LMOD1: variants seen among roughly 807,000 people sequenced by gnomAD.
LMOD1 encodes leiomodin 1.
Under a neutral mutation model 36.5 loss-of-function variants are expected in LMOD1, and 8 were observed. That is an observed-to-expected ratio of 0.22 (90% confidence interval 0.13 to 0.40). LMOD1 has a LOEUF of 0.40. Among genes scored for constraint, LMOD1 ranks in the 10% least tolerant of loss-of-function variants. The pLI is 1.00. For synonymous variants in LMOD1, 284 were observed against 288.7 expected (o/e 0.98, Z 0.17); for missense variants, 630 against 751.1 (o/e 0.84, Z 1.88).
Position 201,900,402 on chromosome 1 carries a change from T to C in LMOD1, c.611A>G (p.Lys204Arg), listed in dbSNP as rs763598826. ...SDRNTGLSRD[K>R]DKKREEMKEV... ...CTTCATCTCCTCTCTCTTTTTATCC[T>C]TGTCCCTGCTCAAGCCTGTGTTCCT... is the stretch of plus-strand genomic sequence containing the variant. The change falls in exon 2 of 3, where the codon AAG becomes AGG. Residue 204 changes from lysine to arginine, a missense_variant. By Grantham distance (26) the Lys-to-Arg change is conservative. Around this residue, in one of 3 missense-constraint regions of LMOD1, gnomAD observed 405 missense variants for 400.6 expected, o/e 1.01. Coordinates refer to ENST00000367288, the MANE Select transcript of LMOD1 (RefSeq NM_012134.3). 1.3e-6 allele frequency: 2 copies of C among 1,565,720 alleles called. No individual in the cohort carries two copies. Among genetic ancestry groups the C allele is most frequent in the South Asian group, 1.2e-5 (1 of 86,080 alleles).
chr1:201,934,105 TTCAAGCAGC>T (rs1681974518), intron 1 of LMOD1, among the ~76,000 whole-genome samples: 1 of 152,162 alleles, frequency 6.6e-6, no homozygotes, highest in Non-Finnish European at 1.5e-5. Context: ...CTACTGGATT[TTCAAGCAGC>T]TCTGGCAGCT....
Position 201,907,197 on chromosome 1 carries a change from C to T in LMOD1, c.262-6446G>A, listed in dbSNP as rs529896832. ...TTAGACAGTTGGCCTATGTGCAAAT[C>T]CCAGCTCTGCCCCTAACTAGCTCTG... is the stretch of plus-strand genomic sequence containing the variant. On this transcript the variant is annotated intron_variant, in intron 1 of 2. Transcript: ENST00000367288. Among the ~76,000 whole-genome samples, 11 of 152,308 alleles carry T rather than the reference C, an allele frequency of 7.2e-5. No individual in the cohort carries two copies. In the South Asian group the frequency reaches 2.3e-3, roughly 32 times the overall value.
In LMOD1 at chr1:201,897,308, A is replaced by G. The variant is rs1364333955; in HGVS notation, c.*1064T>C. On this transcript the variant is annotated 3_prime_UTR_variant, in exon 3 of 3. Coordinates refer to ENST00000367288, the MANE Select transcript of LMOD1 (RefSeq NM_012134.3). ...AGTCATGGAATGAGCATCCCTGAAC[A>G]TGCCTAATATAGCCATCCCAGCACC... is the stretch of plus-strand genomic sequence containing the variant. 1.2e-5 allele frequency: 2 copies of G among 162,510 alleles called. No homozygotes were observed. Among genetic ancestry groups the G allele is most frequent in the African/African-American group, 4.8e-5 (2 of 41,552 alleles). The allele number at this position is 162,510 out of a possible 1,614,324, so 10.1% of individuals were successfully genotyped here. A position where few individuals can be genotyped will look rare whatever the true frequency, so the allele number is the denominator to read the frequency against.
intron 1 of LMOD1, among the ~76,000 whole-genome samples, chr1:201,936,947 A>G (rs180981273): frequency 1.3e-5 from 2 of 151,964 alleles, no homozygotes; most frequent in Non-Finnish European, 2.9e-5. Context: ...CTCAAAAAAA[A>G]AGAATCTGCT....
In LMOD1 at chr1:201,898,428, G is replaced by C. The variant is rs1423055932; in HGVS notation, c.1777-30C>G. On this transcript the variant is annotated intron_variant, in intron 2 of 2. Transcript: ENST00000367288. ...AGGGGCAAAGTAGAGACAGGTTAGA[G>C]AAGGGAGCTCAGCCACCTCACCTCC... is the stretch of plus-strand genomic sequence containing the variant. The C allele has an allele frequency of 6.2e-6, 10 of 1,606,124 alleles. No homozygotes were observed. The South Asian group carries it at 1.1e-4, about 18-fold the overall frequency.
intron 1 of LMOD1, among the ~76,000 whole-genome samples, chr1:201,935,423 A>G (rs1681999976): frequency 6.6e-6 from 1 of 150,682 alleles, no homozygotes; most frequent in South Asian, 2.1e-4. Flanking sequence ...TGTTCAAATC[A>G]GAATTCTTCA....
intron 1 of LMOD1, among the ~76,000 whole-genome samples, chr1:201,911,284 G>A (rs998600491): frequency 1.3e-5 from 2 of 152,156 alleles, no homozygotes; most frequent in Admixed American, 1.3e-4. Context: ...CTGAGAGGAG[G>A]GACCATCTAG....
In LMOD1 at chr1:201,899,470, G is replaced by A. The variant is rs1352022383; in HGVS notation, c.1543C>T (p.Pro515Ser). 6.2e-7 allele frequency: 1 copy of A among 1,613,862 alleles called. No individual in the cohort carries two copies. Among genetic ancestry groups the A allele is most frequent in the African/African-American group, 1.3e-5 (1 of 74,914 alleles). ...TTCTTTGGAGAGGGCTTTGGAGATG[G>A]TTGAGGTGAAGGTTTTGGGGAGCCC... is the stretch of plus-strand genomic sequence containing the variant. ...AKGSPKPSPQ[P>S]SPKPSPKNSP... Residue 515 changes from proline to serine, a missense_variant, in exon 2 of 3, where the codon CCA becomes TCA. Physicochemically the swap from Pro to Ser is moderately conservative, Grantham distance 74 (BLOSUM62 -1). This residue lies in a region of LMOD1 where 144 missense variants were observed against 169.8 expected (regional missense o/e 0.85). Coordinates refer to ENST00000367288, the MANE Select transcript of LMOD1 (RefSeq NM_012134.3). The surrounding 1 kb of genome is among the most constrained non-coding windows in gnomAD (Gnocchi z 6.3).
chr1:201,899,045 G>T lies in LMOD1; in HGVS notation c.1776+192C>A. On this transcript the variant is annotated intron_variant, in intron 2 of 2. Coordinates refer to ENST00000367288, the MANE Select transcript of LMOD1 (RefSeq NM_012134.3). This position sits in a 1 kb window ranked among gnomAD's most constrained non-coding sequence, Gnocchi z 6.3. ...GGAAGGGTAGAGTCTCAGCTCTAGG[G>T]GATATACAGGTGTGACCTGCCTGCA... The T allele has an allele frequency of 1.8e-6, 1 of 542,752 alleles. No homozygotes were observed. Among genetic ancestry groups the T allele is most frequent in the East Asian group, 2.9e-5 (1 of 34,842 alleles). 33.6% of individuals were successfully genotyped at this position (542,752 alleles called of 1,614,324 possible).
chr1:201,905,797 C>T (rs948778945), intron 1 of LMOD1, among the ~76,000 whole-genome samples: 5 of 152,256 alleles, frequency 3.3e-5, no homozygotes, highest in Non-Finnish European at 5.9e-5. Flanking sequence ...ATGAGTCTGC[C>T]TGTGCTTGCA....
intron 1 of LMOD1, among the ~76,000 whole-genome samples, chr1:201,929,411 C>CA (rs1467583850): frequency 5.3e-5 from 8 of 152,086 alleles, no homozygotes; most frequent in African/African-American, 1.7e-4. Context: ...TCTGTAATCT[C>CA]AGGTTACTAC....
intron 1 of LMOD1, among the ~76,000 whole-genome samples, chr1:201,927,253 G>T (rs928042230): frequency 2.0e-5 from 3 of 152,086 alleles, no homozygotes; most frequent in African/African-American, 2.4e-5. Flanking sequence ...AGTACTCTGG[G>T]ATCATTATTA....
chr1:201,938,813 G>C (rs1682064895), intron 1 of LMOD1, among the ~76,000 whole-genome samples: 1 of 152,216 alleles, frequency 6.6e-6, no homozygotes, highest in South Asian at 2.1e-4. Context: ...AACCCGGCTT[G>C]TTCTTTCTGC....
At chr1:201,906,632 C>T (rs896916706) in intron 1 of LMOD1, among the ~76,000 whole-genome samples, 1 of 152,254 alleles carries the variant, frequency 6.6e-6, no homozygotes, top group Admixed American at 6.5e-5. Flanking sequence ...TGGAAGGGAC[C>T]GGGGGAGTTC....
Position 201,898,392 on chromosome 1 carries a change from C to T in LMOD1, c.1783G>A (p.Val595Met). 5 of 1,612,860 alleles carry T rather than the reference C, an allele frequency of 3.1e-6. No homozygotes were observed. The highest frequency in any genetic ancestry group is 4.2e-6 in the Non-Finnish European group (5 of 1,179,478). ...SNLKQLKKVE[V>M]PKLLQ ...TGGTCCTACTGAAGCAGTTTGGGCA[C>T]TTCCACCTGTAGGGGCAAAGTAGAG... The change falls in exon 3 of 3, where the codon GTG (valine) becomes ATG (methionine). Residue 595 changes from valine to methionine, a missense_variant. Physicochemically the swap from Val to Met is conservative, Grantham distance 21. This residue lies in a region of LMOD1 where 144 missense variants were observed against 169.8 expected (regional missense o/e 0.85). Transcript: ENST00000367288.
At chr1:201,913,451 C>CA (rs1681546238) in intron 1 of LMOD1, among the ~76,000 whole-genome samples, 2 of 152,026 alleles carry the variant, frequency 1.3e-5, no homozygotes, top group South Asian at 4.2e-4. Flanking sequence ...ACCAAAAATA[C>CA]AAAAAATTAG....
At chr1:201,945,391 C>T (rs1682186495) in intron 1 of LMOD1, among the ~76,000 whole-genome samples, 1 of 152,178 alleles carries the variant, frequency 6.6e-6, no homozygotes, top group African/African-American at 2.4e-5. Context: ...AAAAAGAGGG[C>T]ATGCTCCCTC....
At position 201,898,211 on chromosome 1, in the gene LMOD1, G is replaced by C. The variant is rs1423266254; in HGVS notation, c.*161C>G. The C allele has an allele frequency of 4.2e-6, 3 of 713,054 alleles. No homozygotes were observed. Among genetic ancestry groups the C allele is most frequent in the South Asian group, 1.7e-5 (1 of 59,414 alleles). 44.2% of individuals were successfully genotyped at this position (713,054 alleles called of 1,614,324 possible). On this transcript the variant is annotated 3_prime_UTR_variant, in exon 3 of 3. Transcript: ENST00000367288. ...GAAAAGGAAAGTGAGAAGAGATAAG[G>C]CATCCTTCCTTGAGCGTGACCCAGG... is the stretch of plus-strand genomic sequence containing the variant.
intron 1 of LMOD1, among the ~76,000 whole-genome samples, chr1:201,942,615 G>A (rs551573999): frequency 1.5e-4 from 23 of 152,028 alleles, no homozygotes; most frequent in Admixed American, 2.6e-4. Context: ...TCCTTCTGGG[G>A]AAAAGACAGA....
Sources: gnomAD v4.1 joint callset for allele counts (sites outside exome capture counted in the v4.1 genomes callset) on GRCh38, gnomAD v4.1.1 for gene constraint, gnomAD v4.1.1 regional missense constraint, Gnocchi (gnomAD v3.1) non-coding constraint, MANE v1.5 for transcripts, NCBI Gene and HGNC (gene_info 2026-07-23, HGNC 2026-07-21) for gene names.